Variants in GLDN observed in about 807,000 individuals in gnomAD.
GLDN encodes gliomedin, also known as collomin.
A neutral mutation model predicts 56.5 loss-of-function variants in GLDN; 47 were observed. That is an observed-to-expected ratio of 0.83 (90% CI 0.66 to 1.06). The LOEUF (loss-of-function observed/expected upper bound fraction) is 1.06. Among genes scored for constraint, GLDN ranks in the 50% least tolerant of loss-of-function variants. The pLI is 0.00. For synonymous variants in GLDN, 332 were observed against 278.8 expected (o/e 1.19, Z -1.90); for missense variants, 782 against 714.3 (o/e 1.09, Z -1.08).
At chr15:51,398,764 C>A (rs1299879847) in intron 6 of GLDN, among the ~76,000 whole-genome samples, 1 of 152,206 alleles carries the variant, frequency 6.6e-6, no homozygotes, top group African/African-American at 2.4e-5. Context: ...GCCTCCCCAG[C>A]CATTAGCATC....
At chr15:51,391,453 G>T (rs891921143) in intron 4 of GLDN, among the ~76,000 whole-genome samples, 6 of 152,244 alleles carry the variant, frequency 3.9e-5, no homozygotes, top group Admixed American at 3.3e-4. Context: ...ACTGGGTCAT[G>T]TGAGACCTTT....
intron 1 of GLDN, among the ~76,000 whole-genome samples, chr15:51,365,400 A>G (rs1039930791): frequency 1.4e-4 from 22 of 152,126 alleles, no homozygotes; most frequent in African/African-American, 5.3e-4. Flanking sequence ...TTTTCCTGTA[A>G]TAACAATTAT....
At position 51,404,297 on chromosome 15, in the gene GLDN, C is replaced by A. The variant is rs1339067874; in HGVS notation, c.1199C>A (p.Thr400Lys). 3 of 1,595,176 alleles carry A rather than the reference C, an allele frequency of 1.9e-6. No homozygotes were observed. The highest frequency in any genetic ancestry group is 2.6e-6 in the Non-Finnish European group (3 of 1,172,092). The change falls in exon 10 of 10, where the codon ACA becomes AAA. Residue 400 changes from threonine (T) to lysine (K), a missense_variant. Physicochemically the swap from Thr to Lys is moderately conservative, Grantham distance 78. Coordinates refer to ENST00000335449, the MANE Select transcript of GLDN (RefSeq NM_181789.4). Reference sequence around the variant, plus strand: ...TTCAGATTTGAATTTGGCCAGGAAACATCCCAAACTCTGAAGCTTGAAAAT... The same window carrying A: ...TTCAGATTTGAATTTGGCCAGGAAAAATCCCAAACTCTGAAGCTTGAAAAT... ...TLVRFEFGQETSQTLKLENAL... is the reference protein window; with the variant it reads ...TLVRFEFGQEKSQTLKLENAL...
downstream of GLDN, among the ~76,000 whole-genome samples, chr15:51,412,573 A>G (rs1429726032): frequency 6.6e-6 from 1 of 152,172 alleles, no homozygotes; most frequent in Non-Finnish European, 1.5e-5. Context: ...TATGCACTCC[A>G]GCTTTCTTTT....
At chr15:51,353,713 TTAA>T (rs143054553) in intron 1 of GLDN, among the ~76,000 whole-genome samples, 3 of 80,516 alleles carry the variant, frequency 3.7e-5, no homozygotes, top group East Asian at 6.3e-4. Flanking sequence ...TCGGATTTGA[TTAA>T]AAAAAAAAAA....
At chr15:51,410,180 C>T (rs1435521300), downstream of GLDN, among the ~76,000 whole-genome samples, 2 of 152,208 alleles carry the variant, frequency 1.3e-5, no homozygotes, top group Non-Finnish European at 2.9e-5. Flanking sequence ...CTCAATCATG[C>T]CCAAGTGGAA....
intron 1 of GLDN, among the ~76,000 whole-genome samples, chr15:51,345,942 C>T (rs937069412): frequency 2.6e-5 from 4 of 152,144 alleles, no homozygotes; most frequent in Non-Finnish European, 5.9e-5. Context: ...AAACAATCAT[C>T]TGTTGAAAGA....
chr15:51,387,379 G>C lies in GLDN; in HGVS notation c.541+3487G>C, dbSNP rs371284106. Among the ~76,000 whole-genome samples the C allele has an allele frequency of 9.2e-5, 14 of 152,302 alleles. No homozygotes were observed. In the South Asian group the frequency reaches 1.5e-3, roughly 16 times the overall value. ...CCATCTCAACATGAGATGTATGTTT[G>C]AAGGGAAGAACGAGGTGCTCTGAGG... is the stretch of plus-strand genomic sequence containing the variant. On this transcript the variant is annotated intron_variant, in intron 4 of 9. Transcript: ENST00000335449.
At chr15:51,412,390 G>GT (rs756772062), downstream of GLDN, among the ~76,000 whole-genome samples, 1 of 152,090 alleles carries the variant, frequency 6.6e-6, no homozygotes, top group Non-Finnish European at 1.5e-5. Context: ...GTCCTTTTCT[G>GT]TTTTTTTGTC....
At chr15:51,382,716 ACT>A (rs1340858850) in intron 2 of GLDN, among the ~76,000 whole-genome samples, 1 of 146,100 alleles carries the variant, frequency 6.8e-6, no homozygotes, top group Non-Finnish European at 1.5e-5. Flanking sequence ...ACAGAGCAAG[ACT>A]CTGTCTCCAA....
downstream of GLDN, among the ~76,000 whole-genome samples, chr15:51,410,863 C>T (rs547076666): frequency 2.0e-4 from 31 of 152,244 alleles, no homozygotes; most frequent in African/African-American, 7.2e-4. Flanking sequence ...GGTATGATCC[C>T]AGAAAGAAGC....
chr15:51,410,485 C>A (rs540362997), downstream of GLDN, among the ~76,000 whole-genome samples: 1 of 152,290 alleles, frequency 6.6e-6, no homozygotes, highest in South Asian at 2.1e-4. Context: ...AAGAGCAATT[C>A]TAGTGCCAGA....
chr15:51,365,143 AG>A (rs1314843312), intron 1 of GLDN, among the ~76,000 whole-genome samples: 1 of 152,220 alleles, frequency 6.6e-6, no homozygotes, highest in Non-Finnish European at 1.5e-5. Flanking sequence ...TTTTTTAAAG[AG>A]GAGAGCCCAA....
intron 1 of GLDN, among the ~76,000 whole-genome samples, chr15:51,362,501 A>G (rs1197292314): frequency 4.1e-5 from 6 of 145,596 alleles, no homozygotes; most frequent in South Asian, 2.2e-4. Flanking sequence ...AAAAAAAAAA[A>G]AAAAGAAAGA....
At chr15:51,370,698 G>GA (rs377463138) in intron 1 of GLDN, among the ~76,000 whole-genome samples, 16 of 151,148 alleles carry the variant, frequency 1.1e-4, no homozygotes, top group South Asian at 2.1e-4. Flanking sequence ...TAAAAAGTGA[G>GA]AAAAAAAAAT....
the GLDN span, among the ~76,000 whole-genome samples, chr15:51,413,077 G>A: frequency 1.3e-5 from 2 of 151,812 alleles, no homozygotes; most frequent in South Asian, 4.2e-4. Flanking sequence ...TCTGTTCTTT[G>A]TTCCCTTTTT....
intron 1 of GLDN, among the ~76,000 whole-genome samples, chr15:51,351,534 C>A (rs1185583877): frequency 6.6e-6 from 1 of 152,168 alleles, no homozygotes; most frequent in Non-Finnish European, 1.5e-5. Flanking sequence ...AAAGGTCCCT[C>A]CTGGTGTGAG....
Position 51,390,058 on chromosome 15 carries a change from G to T in GLDN, c.542-4777G>T, listed in dbSNP as rs74016742. On this transcript the variant is annotated intron_variant, in intron 4 of 9. Coordinates refer to ENST00000335449, the MANE Select transcript of GLDN (RefSeq NM_181789.4). ...GTGGAATAGCTCAGAGCCAGAGCTG[G>T]AGCCAGATGGTTTGTGTCTCGGCTC... Among the ~76,000 whole-genome samples the T allele has an allele frequency of 3.1e-3, 474 of 152,318 alleles. 5 individuals are homozygous for T. The highest frequency in any genetic ancestry group is 0.011 in the African/African-American group (456 of 41,568).
chr15:51,389,416 G>A (rs1472498723), intron 4 of GLDN, among the ~76,000 whole-genome samples: 1 of 152,194 alleles, frequency 6.6e-6, no homozygotes, highest in Non-Finnish European at 1.5e-5. Context: ...AAGATATATC[G>A]TGCAACAGCA....
Sources: gnomAD v4.1 joint callset for allele counts (sites outside exome capture counted in the v4.1 genomes callset) on GRCh38, gnomAD v4.1.1 for gene constraint, MANE v1.5 for transcripts, NCBI Gene and HGNC (gene_info 2026-07-23, HGNC 2026-07-21) for gene names.